Variants in PTPN13 observed in about 807,000 individuals in gnomAD.
PTPN13 encodes the protein tyrosine-protein phosphatase non-receptor type 13.
Under a neutral mutation model 284.0 loss-of-function variants are expected in PTPN13, and 191 were observed. The ratio of observed to expected loss-of-function variants is 0.67; its 90% CI spans 0.60 to 0.76. PTPN13 has a LOEUF of 0.76. PTPN13 is among the 30% of genes least tolerant of loss of function. The probability of loss-of-function intolerance (pLI) is 0.00; values close to 1 mark genes in which losing one functional copy is unlikely to be tolerated. For synonymous variants in PTPN13, 986 were observed against 1,022.3 expected (o/e 0.96, Z 0.68); for missense variants, 2,797 against 2,939.9 (o/e 0.95, Z 1.12).
chr4:86,704,204 T>C (rs576645793), intron 7 of PTPN13, among the ~76,000 whole-genome samples: 1 of 152,236 alleles, frequency 6.6e-6, no homozygotes, highest in Non-Finnish European at 1.5e-5. Context: ...TCATTATAAT[T>C]TCTAATGTTT....
intron 10 of PTPN13, among the ~76,000 whole-genome samples, chr4:86,731,273 T>C (rs1269973774): frequency 6.6e-6 from 1 of 152,194 alleles, no homozygotes; most frequent in Non-Finnish European, 1.5e-5. Context: ...CTTTCAGTCT[T>C]TTCTCAACCC....
chr4:86,780,575 T>G (rs1741190602), intron 36 of PTPN13, 103 bp downstream of exon 36: 2 of 776,122 alleles, frequency 2.6e-6, no homozygotes, highest in South Asian at 3.0e-5. Context: ...AAATTATAAC[T>G]TACACCTAAA....
intron 1 of PTPN13, among the ~76,000 whole-genome samples, chr4:86,608,330 T>C (rs1331611508): frequency 6.6e-6 from 1 of 152,034 alleles, no homozygotes; most frequent in African/African-American, 2.4e-5. Flanking sequence ...TGCCCGAAGA[T>C]TTTTTTCTTC....
chr4:86,732,492 T>A lies in PTPN13; in HGVS notation c.1683+18T>A. On this transcript the variant is annotated intron_variant, in intron 11 of 47. Transcript: ENST00000411767. ...CTATTCTTGTAAGTAATAAAACCAA[T>A]TTGTGTCACTCTTAGAAAATAATTT... 6.3e-7 allele frequency: 1 copy of A among 1,594,076 alleles called. No homozygotes were observed. Among genetic ancestry groups the A allele is most frequent in the Non-Finnish European group, 8.6e-7 (1 of 1,167,384 alleles).
intron 2 of PTPN13, among the ~76,000 whole-genome samples, chr4:86,662,811 A>G (rs752726362): frequency 2.6e-4 from 39 of 152,216 alleles, no homozygotes; most frequent in Non-Finnish European, 4.3e-4. Context: ...ATGCATTTGT[A>G]TATCAGACAG....
intron 44 of PTPN13, 116 bp from the exon 45 acceptor site, chr4:86,807,444 G>C: frequency 2.7e-6 from 2 of 735,792 alleles, no homozygotes; most frequent in South Asian, 3.8e-5. Context: ...AAATACGTTG[G>C]TGATTTCATC....
intron 43 of PTPN13, among the ~76,000 whole-genome samples, chr4:86,804,072 C>T (rs1744378794): frequency 6.6e-6 from 1 of 150,942 alleles, no homozygotes; most frequent in African/African-American, 2.4e-5. Flanking sequence ...GAACTTGATA[C>T]ATTTCCCTGA....
intron 6 of PTPN13, among the ~76,000 whole-genome samples, chr4:86,697,220 A>G (rs890702992): frequency 7.2e-5 from 11 of 152,038 alleles, no homozygotes; most frequent in Non-Finnish European, 1.3e-4. Flanking sequence ...TTAATAAAAC[A>G]TTTTCTTCAG....
At chr4:86,676,199 A>G (rs1051352737) in intron 3 of PTPN13, among the ~76,000 whole-genome samples, 7 of 152,236 alleles carry the variant, frequency 4.6e-5, no homozygotes, top group East Asian at 1.9e-4. Context: ...TGTTTGTTAT[A>G]TGCCAGGACC....
Position 86,701,789 on chromosome 4 carries a change from A to T in PTPN13, c.1183A>T (p.Met395Leu). The T allele has an allele frequency of 2.5e-6, 4 of 1,609,722 alleles. No individual in the cohort carries two copies. The highest frequency in any genetic ancestry group is 3.4e-6 in the Non-Finnish European group (4 of 1,178,280). Residue 395 changes from methionine (M) to leucine (L), a missense_variant, in exon 7 of 48, where the codon ATG becomes TTG. Physicochemically the swap from Met to Leu is conservative, Grantham distance 15. Coordinates refer to ENST00000411767, the MANE Select transcript of PTPN13 (RefSeq NM_080683.3). ...QKKLQVLREA[M>L]NVEEPVRRYK... The stretch of plus-strand genomic sequence containing the variant: ...GAAACTTCAGGTTCTGAGGGAAGCC[A>T]TGAATGTAGAAGGTTAGTAATTCTG...
chr4:86,761,612 A>T (rs547249526), intron 23 of PTPN13, among the ~76,000 whole-genome samples: 9 of 152,344 alleles, frequency 5.9e-5, no homozygotes, highest in Admixed American at 1.3e-4. Context: ...CATTTTTGTC[A>T]GCCAAATAAG....
intron 40 of PTPN13, among the ~76,000 whole-genome samples, chr4:86,793,518 C>T (rs936842987): frequency 6.6e-6 from 1 of 152,212 alleles, no homozygotes; most frequent in Non-Finnish European, 1.5e-5. Flanking sequence ...TAGATATTTA[C>T]AGAACTCTCC....
chr4:86,636,338 T>G (rs1723014027), intron 2 of PTPN13, among the ~76,000 whole-genome samples: 1 of 152,222 alleles, frequency 6.6e-6, no homozygotes, highest in African/African-American at 2.4e-5. Context: ...ATCCTTTGGT[T>G]GTCCAAAAAC....
rs987521488 is a variant in PTPN13, at chr4:86,755,629, C to T, written c.3223+2564C>T. On this transcript the variant is annotated intron_variant, in intron 20 of 47. Coordinates refer to ENST00000411767, the MANE Select transcript of PTPN13 (RefSeq NM_080683.3). ...CTCAGTAAAAATTGTACTTTGAGTA[C>T]CCTTACAACCCTTCTGTTTTTCACT... Among the ~76,000 whole-genome samples, 4 of 152,052 alleles carry T rather than the reference C, an allele frequency of 2.6e-5. 1 individual carries two copies.
intron 10 of PTPN13, among the ~76,000 whole-genome samples, chr4:86,731,028 A>C (rs1316047603): frequency 6.6e-6 from 1 of 152,158 alleles, no homozygotes; most frequent in African/African-American, 2.4e-5. Flanking sequence ...TTGAACTTTT[A>C]CTTTTACATA....
intron 17 of PTPN13, among the ~76,000 whole-genome samples, chr4:86,746,131 G>A (rs891749100): frequency 5.9e-5 from 9 of 152,140 alleles, no homozygotes; most frequent in Non-Finnish European, 1.2e-4. Flanking sequence ...AAATGGTCAG[G>A]AGAATGGTTT....
In PTPN13 at chr4:86,594,485, T is replaced by G. The variant is rs1467523405; in HGVS notation, c.-310T>G. The stretch of plus-strand genomic sequence containing the variant: ...CGCCAGAAGGTTTTGGCGAAGCTCT[T>G]GGAGAGGCGTCGAGCACAGTAGGGC... On this transcript the variant is annotated 5_prime_UTR_variant, in exon 1 of 48. Transcript: ENST00000411767. The G allele has an allele frequency of 1.3e-5, 2 of 152,260 alleles. No individual in the cohort carries two copies. The highest frequency in any genetic ancestry group is 4.8e-5 in the African/African-American group (2 of 41,392). The allele number at this position is 152,260 out of a possible 1,614,324, so 9.4% of individuals were successfully genotyped here.
At chr4:86,748,817 A>G (rs1737069346) in intron 17 of PTPN13, among the ~76,000 whole-genome samples, 1 of 151,944 alleles carries the variant, frequency 6.6e-6, no homozygotes. Context: ...CACCACGCCC[A>G]GCTAATTTTT....
chr4:86,628,917 G>C (rs1243322081), intron 1 of PTPN13, among the ~76,000 whole-genome samples: 3 of 150,692 alleles, frequency 2.0e-5, no homozygotes, highest in Non-Finnish European at 4.4e-5. Flanking sequence ...GGACATTTGG[G>C]TTGGTTCCAA....
Sources: gnomAD v4.1 joint callset for allele counts (sites outside exome capture counted in the v4.1 genomes callset) on GRCh38, gnomAD v4.1.1 for gene constraint, MANE v1.5 for transcripts, NCBI Gene and HGNC (gene_info 2026-07-23, HGNC 2026-07-21) for gene names.